Variants in LIMS1 observed in about 807,000 individuals in gnomAD.
LIMS1 encodes the protein LIM zinc finger domain containing 1.
In LIMS1, 18 loss-of-function variants were observed where a neutral mutation model predicts 44.1. That is an observed-to-expected ratio of 0.41 (90% CI 0.28 to 0.61). The LOEUF is 0.61. LIMS1 is among the 20% of genes least tolerant of loss of function. The pLI, the probability that LIMS1 is intolerant of heterozygous loss-of-function variation, is 0.32. For missense variants in LIMS1, 201 were observed against 422.0 expected (o/e 0.48, Z 4.59); for synonymous variants, 93 against 149.1 (o/e 0.62, Z 2.74).
intron 1 of LIMS1, among the ~76,000 whole-genome samples, chr2:108,637,094 CATATAT>C (rs892019393): frequency 4.3e-5 from 4 of 92,156 alleles, no homozygotes; most frequent in African/African-American, 1.4e-4. Context: ...GCAAAATATA[CATATAT>C]GTGTGTGTGT....
At chr2:108,664,420 C>T (rs1473638351) in intron 2 of LIMS1, among the ~76,000 whole-genome samples, 4 of 152,178 alleles carry the variant, frequency 2.6e-5, no homozygotes, top group African/African-American at 9.7e-5. Flanking sequence ...CCACACAGAG[C>T]GACCCATTTC....
intron 1 of LIMS1, among the ~76,000 whole-genome samples, chr2:108,640,204 G>A (rs1689573305): frequency 6.6e-6 from 1 of 152,150 alleles, no homozygotes; most frequent in South Asian, 2.1e-4. Flanking sequence ...AAAGGAGAGA[G>A]TGCTGGGAGG....
chr2:108,580,907 C>T (rs905921696), intron 1 of LIMS1, among the ~76,000 whole-genome samples: 3 of 152,232 alleles, frequency 2.0e-5, no homozygotes, highest in African/African-American at 7.2e-5. Flanking sequence ...ATGAACAACA[C>T]TTCCCCATTA....
chr2:108,616,262 G>A (rs1687929330), intron 1 of LIMS1, among the ~76,000 whole-genome samples: 1 of 139,190 alleles, frequency 7.2e-6, no homozygotes, highest in African/African-American at 2.7e-5. Context: ...CTGGAGTGCA[G>A]TGGTGTGACC....
chr2:108,581,465 G>A (rs560389892), intron 1 of LIMS1, among the ~76,000 whole-genome samples: 28 of 152,130 alleles, frequency 1.8e-4, no homozygotes, highest in African/African-American at 6.7e-4. Context: ...TTTTCGTCTG[G>A]TGTTCCCCAA....
chr2:108,551,331 A>G (rs1415969916), intron 1 of LIMS1, among the ~76,000 whole-genome samples: 1 of 147,120 alleles, frequency 6.8e-6, no homozygotes, highest in Non-Finnish European at 1.5e-5. Context: ...AATAGATTTT[A>G]TTTATAATAT....
chr2:108,662,102 A>G, intron 2 of LIMS1: 1 of 1,575,028 alleles, frequency 6.3e-7, no homozygotes, highest in East Asian at 2.3e-5. Flanking sequence ...AGAAGAACTC[A>G]GAGAAAAAGA....
intron 2 of LIMS1, among the ~76,000 whole-genome samples, chr2:108,665,483 G>A (rs1298521156): frequency 6.6e-6 from 1 of 152,016 alleles, no homozygotes; most frequent in Admixed American, 6.6e-5. Flanking sequence ...AGAGACGTAG[G>A]CAGTAGTTAC....
At chr2:108,643,243 C>T (rs1295211679) in intron 1 of LIMS1, among the ~76,000 whole-genome samples, 1 of 152,178 alleles carries the variant, frequency 6.6e-6, no homozygotes, top group East Asian at 1.9e-4. Context: ...GTCTGCAGCT[C>T]CCAGCAAGAT....
At chr2:108,613,026 T>G (rs556937138) in intron 1 of LIMS1, among the ~76,000 whole-genome samples, 6 of 152,266 alleles carry the variant, frequency 3.9e-5, no homozygotes, top group Admixed American at 3.9e-4. Flanking sequence ...TTGGGTTGGA[T>G]CCACACACTC....
At chr2:108,606,654 A>C (rs1439767786) in intron 1 of LIMS1, among the ~76,000 whole-genome samples, 1 of 152,262 alleles carries the variant, frequency 6.6e-6, no homozygotes, top group Non-Finnish European at 1.5e-5. Context: ...CGTATAAACA[A>C]CACACAATAC....
At chr2:108,641,467 G>A (rs1689661228) in intron 1 of LIMS1, among the ~76,000 whole-genome samples, 1 of 152,166 alleles carries the variant, frequency 6.6e-6, no homozygotes, top group South Asian at 2.1e-4. Flanking sequence ...GGGCCCCTGG[G>A]ATGGGGTTGA....
intron 5 of LIMS1, 136 bp from the exon 6 acceptor site, chr2:108,675,742 C>G: frequency 9.6e-7 from 1 of 1,037,320 alleles, no homozygotes; most frequent in Non-Finnish European, 1.5e-6. Context: ...ATTCTGATCA[C>G]CTCTAAAGGG....
intron 1 of LIMS1, among the ~76,000 whole-genome samples, chr2:108,633,074 A>G (rs1363919319): frequency 4.6e-5 from 7 of 152,218 alleles, no homozygotes; most frequent in African/African-American, 1.7e-4. Context: ...GAAATAGAAC[A>G]TTTAATGTTC....
chr2:108,681,821 C>T (rs1186609811), intron 9 of LIMS1, among the ~76,000 whole-genome samples: 1 of 150,854 alleles, frequency 6.6e-6, no homozygotes, highest in Non-Finnish European at 1.5e-5. Context: ...ACTCAGGAGG[C>T]TGAGGCTGCT....
At chr2:108,545,971 G>A (rs867741436) in intron 1 of LIMS1, among the ~76,000 whole-genome samples, 1 of 152,160 alleles carries the variant, frequency 6.6e-6, no homozygotes, top group Non-Finnish European at 1.5e-5. Context: ...AAAAAGAGAA[G>A]CCCTCCTTAA....
At chr2:108,558,646 T>C (rs965482157) in intron 1 of LIMS1, among the ~76,000 whole-genome samples, 12 of 151,432 alleles carry the variant, frequency 7.9e-5, no homozygotes, top group Non-Finnish European at 1.5e-4. Context: ...GAGAAAACTT[T>C]TAAGAATATA....
intron 1 of LIMS1, among the ~76,000 whole-genome samples, chr2:108,609,780 A>G (rs924603920): frequency 1.3e-5 from 2 of 152,156 alleles, no homozygotes; most frequent in Non-Finnish European, 2.9e-5. Context: ...ACAGCAGTGT[A>G]TGACCTTCTG....
In LIMS1 at chr2:108,572,259, C is replaced by T. The variant is rs954304160; in HGVS notation, c.32+37665C>T. Among the ~76,000 whole-genome samples, 9 of 151,804 alleles carry T rather than the reference C, an allele frequency of 5.9e-5. No homozygotes were observed. In the South Asian group the frequency reaches 1.2e-3, roughly 21 times the overall value. On this transcript the variant is annotated intron_variant, in intron 1 of 9. Transcript: ENST00000544547. ...CCTTCACTGAAATACAACTTACATA[C>T]AATAAGCTACTTGTATTCAATTTTA...
Sources: gnomAD v4.1 joint callset for allele counts (sites outside exome capture counted in the v4.1 genomes callset) on GRCh38, gnomAD v4.1.1 for gene constraint, MANE v1.5 for transcripts, NCBI Gene and HGNC (gene_info 2026-07-23, HGNC 2026-07-21) for gene names.